The following TMPRSS11A variants were observed in gnomAD, a reference collection of about 807,000 sequenced individuals.
TMPRSS11A encodes transmembrane protease serine 11A.
A neutral mutation model predicts 58.9 loss-of-function variants in TMPRSS11A; 53 were observed. The ratio of observed to expected loss-of-function variants is 0.90; its 90% CI spans 0.72 to 1.13. The LOEUF (loss-of-function observed/expected upper bound fraction) is 1.13. Among genes scored for constraint, TMPRSS11A ranks in the 50% most tolerant of loss-of-function variants. The probability of loss-of-function intolerance (pLI) is 0.00; values close to 1 mark genes in which losing one functional copy is unlikely to be tolerated. For missense variants in TMPRSS11A, 493 were observed against 499.3 expected (o/e 0.99, Z 0.12); for synonymous variants, 167 against 169.8 (o/e 0.98, Z 0.13).
intron 3 of TMPRSS11A, among the ~76,000 whole-genome samples, chr4:67,935,037 T>C (rs1201329774): frequency 6.6e-6 from 1 of 152,200 alleles, no homozygotes; most frequent in Non-Finnish European, 1.5e-5. Context: ...CTTTAGATCC[T>C]ATTGCTTTCT....
chr4:67,950,817 T>G (rs1184201333), intron 1 of TMPRSS11A, among the ~76,000 whole-genome samples: 1 of 152,216 alleles, frequency 6.6e-6, no homozygotes, highest in African/African-American at 2.4e-5. Flanking sequence ...AAGTAGTAAT[T>G]TTGGAAATAC....
At position 67,919,240 on chromosome 4, in the gene TMPRSS11A, A is replaced by C. The variant is rs370249671; in HGVS notation, c.693-8T>G. The C allele has an allele frequency of 9.9e-6, 16 of 1,612,682 alleles. No individual in the cohort carries two copies. Among genetic ancestry groups the C allele is most frequent in the Non-Finnish European group, 1.4e-5 (16 of 1,179,268 alleles). ...TGATGTGGATTTTTATACCTGGAAA[A>C]GGTTAGAAATTAACAGAATATATAT... is the stretch of plus-strand genomic sequence containing the variant. On this transcript the variant is annotated splice_region_variant and splice_polypyrimidine_tract_variant and intron_variant, in intron 7 of 9. Transcript: ENST00000508048.
chr4:67,962,678 T>C (rs1218822175), intron 1 of TMPRSS11A, among the ~76,000 whole-genome samples: 1 of 152,262 alleles, frequency 6.6e-6, no homozygotes, highest in South Asian at 2.1e-4. Context: ...ATTATCATCA[T>C]GGCTGTTTAA....
intron 3 of TMPRSS11A, among the ~76,000 whole-genome samples, chr4:67,935,012 T>G (rs2109752487): frequency 6.6e-6 from 1 of 152,118 alleles, no homozygotes; most frequent in Non-Finnish European, 1.5e-5. Flanking sequence ...ACCAAAACCA[T>G]GCTGTGAAAA....
chr4:67,941,969 C>A lies in TMPRSS11A; in HGVS notation c.252+2550G>T, dbSNP rs111696872. On this transcript the variant is annotated intron_variant, in intron 3 of 9. Coordinates refer to ENST00000508048, the MANE Select transcript of TMPRSS11A (RefSeq NM_001114387.2). The stretch of plus-strand genomic sequence containing the variant: ...AATGGATAAGCGCAGTGTCCACAAC[C>A]AACACACTATCAATATCCAGAAAAT... 7.7e-3 allele frequency among the ~76,000 whole-genome samples: 1,171 copies of A among 152,128 alleles called. 8 individuals are homozygous for A. The highest frequency in any genetic ancestry group is 0.024 in the Middle Eastern group (7 of 294).
At chr4:67,947,555 T>C (rs535889795) in intron 1 of TMPRSS11A, among the ~76,000 whole-genome samples, 9 of 152,350 alleles carry the variant, frequency 5.9e-5, no homozygotes, top group African/African-American at 1.9e-4. Flanking sequence ...AGATTTTCTT[T>C]AGCTCTGAAG....
intron 7 of TMPRSS11A, among the ~76,000 whole-genome samples, chr4:67,920,236 G>A (rs1216767217): frequency 6.6e-6 from 1 of 152,030 alleles, no homozygotes; most frequent in Non-Finnish European, 1.5e-5. Flanking sequence ...TATACTTAAG[G>A]AAAATAAAGC....
chr4:67,946,680 AG>A (rs1721021570), intron 1 of TMPRSS11A, 109 bp from the exon 2 acceptor site: 1 of 1,167,820 alleles, frequency 8.6e-7, no homozygotes, highest in Non-Finnish European at 1.1e-6. Flanking sequence ...CCCTGCAAAA[AG>A]GTCTTTAATT....
intron 6 of TMPRSS11A, 103 bp from the exon 7 acceptor site, chr4:67,923,029 T>C: frequency 9.6e-7 from 1 of 1,041,862 alleles, no homozygotes; most frequent in Non-Finnish European, 1.4e-6. Context: ...CTACTCCTCC[T>C]GCCCAGGACA....
At chr4:67,951,950 G>A (rs188172757) in intron 1 of TMPRSS11A, among the ~76,000 whole-genome samples, 35 of 152,142 alleles carry the variant, frequency 2.3e-4, no homozygotes, top group African/African-American at 8.0e-4. Context: ...GGTTCTTTTT[G>A]AGGGACTGAA....
chr4:67,946,015 C>T (rs1375194095), intron 2 of TMPRSS11A, among the ~76,000 whole-genome samples: 1 of 151,814 alleles, frequency 6.6e-6, no homozygotes, highest in African/African-American at 2.4e-5. Context: ...TTTCTTTTGC[C>T]TTAGAAATGT....
intron 1 of TMPRSS11A, among the ~76,000 whole-genome samples, chr4:67,953,457 T>C (rs1471733635): frequency 6.6e-5 from 10 of 152,318 alleles, no homozygotes; most frequent in African/African-American, 2.2e-4. Context: ...GTAAAAGTTT[T>C]CCAAATGTAC....
intron 3 of TMPRSS11A, among the ~76,000 whole-genome samples, chr4:67,939,656 T>C (rs1170630548): frequency 1.3e-5 from 2 of 152,150 alleles, no homozygotes; most frequent in Non-Finnish European, 2.9e-5. Flanking sequence ...TTTTTCTACA[T>C]ATATTGAGAT....
At chr4:67,959,326 C>T (rs1011223685) in intron 1 of TMPRSS11A, among the ~76,000 whole-genome samples, 5 of 151,714 alleles carry the variant, frequency 3.3e-5, no homozygotes, top group Admixed American at 6.6e-5. Context: ...ATTCCAAAAG[C>T]AATTGCAACA....
intron 9 of TMPRSS11A, among the ~76,000 whole-genome samples, chr4:67,912,973 A>G (rs193020875): frequency 1.5e-3 from 229 of 151,752 alleles, no homozygotes; most frequent in African/African-American, 5.1e-3. Context: ...AATTTTTCTG[A>G]TTATTTTTCT....
At chr4:67,915,508 G>T (rs1020687680) in intron 8 of TMPRSS11A, among the ~76,000 whole-genome samples, 5 of 152,126 alleles carry the variant, frequency 3.3e-5, no homozygotes, top group Admixed American at 6.5e-5. Flanking sequence ...TCATGATTAG[G>T]TTATGTTATA....
chr4:67,915,624 G>C (rs75435626), intron 8 of TMPRSS11A, among the ~76,000 whole-genome samples: 2,705 of 152,324 alleles, frequency 0.018, 76 homozygotes, highest in African/African-American at 0.059. Flanking sequence ...CTAATCAGCT[G>C]AGCCATTTCA....
chr4:67,924,135 G>T lies in TMPRSS11A; in HGVS notation c.513C>A (p.Val171=), dbSNP rs373447572. The change falls in exon 6 of 10, where the codon GTC becomes GTA. Residue 171 remains valine (V), a synonymous_variant. Coordinates refer to ENST00000508048, the MANE Select transcript of TMPRSS11A (RefSeq NM_001114387.2). The stretch of plus-strand genomic sequence containing the variant: ...TAAGCTAACTTGACTTACTTGCTTG[G>T]ACAGTTAACTCCCCTGTTGATGAGC... The part of the protein sequence containing the change: ...AMSSSTGELT[V]QASCGKRVVP... The T allele has an allele frequency of 1.1e-4, 184 of 1,613,168 alleles. No individual in the cohort carries two copies. The Admixed American group carries it at 1.2e-3, about 10-fold the overall frequency.
At chr4:67,961,675 G>A (rs1446849866) in intron 1 of TMPRSS11A, among the ~76,000 whole-genome samples, 3 of 151,852 alleles carry the variant, frequency 2.0e-5, no homozygotes, top group African/African-American at 7.3e-5. Context: ...ACCATGCCCG[G>A]CTAATTGTTG....
Sources: allele counts gnomAD v4.1 joint callset (sites outside exome capture counted in the v4.1 genomes callset), GRCh38; gene constraint gnomAD v4.1.1; transcripts MANE v1.5; gene names NCBI Gene and HGNC (gene_info 2026-07-23, HGNC 2026-07-21).